Variants in RNF150 observed in about 807,000 individuals in gnomAD.
RNF150 encodes the protein ring finger protein 150.
RNF150 carries 24 observed loss-of-function variants against 39.3 expected under a neutral mutation model. That is an observed-to-expected ratio of 0.61 (90% CI 0.44 to 0.86). The LOEUF is 0.86. Among genes scored for constraint, RNF150 ranks in the 40% least tolerant of loss-of-function variants. The probability of loss-of-function intolerance (pLI) is 0.00; values close to 1 mark genes in which losing one functional copy is unlikely to be tolerated. For missense variants in RNF150, 502 were observed against 587.8 expected (o/e 0.85, Z 1.51); for synonymous variants, 255 against 227.3 (o/e 1.12, Z -1.10).
chr4:140,897,423 G>A (rs905785714), intron 6 of RNF150, among the ~76,000 whole-genome samples: 9 of 152,134 alleles, frequency 5.9e-5, no homozygotes, highest in Admixed American at 5.9e-4. Context: ...TAGAAACTGT[G>A]ATTGAGTAGA....
At chr4:140,998,667 T>C (rs56660188) in intron 1 of RNF150, among the ~76,000 whole-genome samples, 11,523 of 152,202 alleles carry the variant, frequency 0.076, 488 homozygotes, top group Middle Eastern at 0.16. Context: ...AGCACCACTG[T>C]AACACAAGAA....
chr4:140,920,763 G>A (rs1387978330), intron 5 of RNF150, among the ~76,000 whole-genome samples: 13 of 151,792 alleles, frequency 8.6e-5, no homozygotes, highest in South Asian at 2.1e-4. Context: ...CACTATTCAC[G>A]ATAGCAAAGA....
At chr4:140,970,234 A>T (rs941060589) in intron 1 of RNF150, among the ~76,000 whole-genome samples, 1 of 152,200 alleles carries the variant, frequency 6.6e-6, no homozygotes, top group African/African-American at 2.4e-5. Flanking sequence ...ATCTTGAGCA[A>T]TCTTCGATTT....
In RNF150 at chr4:141,037,176, G is replaced by C. The variant is rs139015308; in HGVS notation, c.485-69303C>G. Among the ~76,000 whole-genome samples, 11 of 152,210 alleles carry C rather than the reference G, an allele frequency of 7.2e-5. No homozygotes were observed. The East Asian group carries it at 1.9e-3, about 27-fold the overall frequency. ...CAGTATTCTGTTTCTTTTTAAAAAT[G>C]TGATATTCACCTAAGGTTCTCGGTA... On this transcript the variant is annotated intron_variant, in intron 1 of 6. Transcript: ENST00000515673.
At chr4:141,107,386 T>C (rs1739246969) in intron 1 of RNF150, among the ~76,000 whole-genome samples, 1 of 152,346 alleles carries the variant, frequency 6.6e-6, no homozygotes, top group South Asian at 2.1e-4. Flanking sequence ...ATTTGCATTT[T>C]ACATACACGG....
intron 1 of RNF150, among the ~76,000 whole-genome samples, chr4:141,012,988 C>T (rs1462493498): frequency 6.6e-6 from 1 of 152,054 alleles, no homozygotes; most frequent in Non-Finnish European, 1.5e-5. Context: ...CAACCATTGG[C>T]CCTTCTCTGA....
chr4:140,921,424 G>A (rs569177929), intron 5 of RNF150, among the ~76,000 whole-genome samples: 116 of 152,228 alleles, frequency 7.6e-4, no homozygotes, highest in Non-Finnish European at 1.3e-3. Flanking sequence ...GCAGGAAGAA[G>A]TTGAATCTCT....
At chr4:140,921,813 C>T (rs4388160) in intron 5 of RNF150, among the ~76,000 whole-genome samples, 47,706 of 152,020 alleles carry the variant, frequency 0.31, 7,965 homozygotes, top group East Asian at 0.69. Flanking sequence ...GCTGGTTCAA[C>T]ATATGCAAAT....
At chr4:140,962,495 C>CATAT (rs145375840) in intron 2 of RNF150, among the ~76,000 whole-genome samples, 8 of 150,570 alleles carry the variant, frequency 5.3e-5, no homozygotes, top group African/African-American at 1.9e-4. Flanking sequence ...CACACACACA[C>CATAT]ATATATATAT....
At position 141,069,538 on chromosome 4, in the gene RNF150, C is replaced by G. The variant is rs1336479692; in HGVS notation, c.484+62787G>C. ...AAAATTCTCTTTTTTGGTTGTGTCT[C>G]TGCCCGGCTTTGCTATCAGAATGAT... On this transcript the variant is annotated intron_variant, in intron 1 of 6. Coordinates refer to ENST00000515673, the MANE Select transcript of RNF150 (RefSeq NM_020724.2). Among the ~76,000 whole-genome samples, 4 of 146,902 alleles carry G rather than the reference C, an allele frequency of 2.7e-5. No homozygotes were observed. The East Asian group carries it at 8.0e-4, about 29-fold the overall frequency.
chr4:140,898,952 A>G (rs1730070559), intron 6 of RNF150, among the ~76,000 whole-genome samples: 1 of 152,302 alleles, frequency 6.6e-6, no homozygotes, highest in African/African-American at 2.4e-5. Context: ...TGACAAAAAA[A>G]TTTTGATGGA....
chr4:140,977,054 A>T (rs973684876), intron 1 of RNF150, among the ~76,000 whole-genome samples: 2 of 152,116 alleles, frequency 1.3e-5, no homozygotes, highest in Non-Finnish European at 2.9e-5. Context: ...GTTGAGAAAA[A>T]ATACCCACAA....
intron 1 of RNF150, among the ~76,000 whole-genome samples, chr4:141,103,826 T>G (rs111529313): frequency 2.2e-4 from 33 of 152,290 alleles, no homozygotes; most frequent in African/African-American, 7.7e-4. Context: ...AACACTAGTG[T>G]GGAAGTTTTA....
chr4:141,212,778 G>A (rs1728491389), intron 1 of RNF150: 1 of 152,528 alleles, frequency 6.6e-6, no homozygotes, highest in Admixed American at 6.5e-5. Flanking sequence ...AAAGAAAAGA[G>A]GTTTAATTGA....
chr4:140,990,256 A>C (rs1001935584), intron 1 of RNF150, among the ~76,000 whole-genome samples: 1 of 152,188 alleles, frequency 6.6e-6, no homozygotes, highest in Non-Finnish European at 1.5e-5. Context: ...CCCTTTGCTT[A>C]TTCGAGAAAT....
intron 1 of RNF150, among the ~76,000 whole-genome samples, chr4:141,037,859 AC>A (rs1292534309): frequency 2.0e-5 from 3 of 152,214 alleles, no homozygotes; most frequent in African/African-American, 7.2e-5. Flanking sequence ...TACAGACTTA[AC>A]CATGGTCATA....
At chr4:141,162,644 GC>G (rs1476052768) in intron 1 of RNF150, among the ~76,000 whole-genome samples, 1 of 152,012 alleles carries the variant, frequency 6.6e-6, no homozygotes, top group African/African-American at 2.4e-5. Flanking sequence ...AGTGGGTGCA[GC>G]CTATGGAGGA....
intron 1 of RNF150, among the ~76,000 whole-genome samples, chr4:141,027,478 T>C (rs1735745590): frequency 6.6e-6 from 1 of 152,220 alleles, no homozygotes; most frequent in African/African-American, 2.4e-5. Flanking sequence ...CAAGCTCCTA[T>C]CACCTCTGTA....
chr4:141,185,120 A>C (rs1727981740), intron 1 of RNF150, among the ~76,000 whole-genome samples: 1 of 152,132 alleles, frequency 6.6e-6, no homozygotes, highest in African/African-American at 2.4e-5. Context: ...TACTTTTGGC[A>C]GTATGGCCAT....
Sources: allele counts gnomAD v4.1 joint callset (sites outside exome capture counted in the v4.1 genomes callset), GRCh38; gene constraint gnomAD v4.1.1; transcripts MANE v1.5; gene names NCBI Gene and HGNC (gene_info 2026-07-23, HGNC 2026-07-21).